The following HECTD4 variants were observed in gnomAD, a reference collection of about 807,000 sequenced individuals.
HECTD4 encodes the protein HECT domain E3 ubiquitin protein ligase 4.
A neutral mutation model predicts 471.5 loss-of-function variants in HECTD4; 114 were observed. That is an observed-to-expected ratio of 0.24 (90% CI 0.21 to 0.28). The LOEUF (loss-of-function observed/expected upper bound fraction) is 0.28, where lower values mean the gene tolerates loss of function less well. Ranked by LOEUF, HECTD4 falls within the 10% of genes least tolerant of loss-of-function variation. The pLI is 1.00. For synonymous variants in HECTD4, 2,012 were observed against 2,256.0 expected (o/e 0.89, Z 3.07); for missense variants, 3,866 against 5,651.5 (o/e 0.68, Z 10.13).
At chr12:112,227,374 C>T (rs1377450482) in intron 43 of HECTD4, among the ~76,000 whole-genome samples, 2 of 152,036 alleles carry the variant, frequency 1.3e-5, no homozygotes, top group Non-Finnish European at 2.9e-5. Flanking sequence ...GCAGGAGAAT[C>T]GCTTGAACTA....
At chr12:112,351,238 T>C (rs1182819748) in intron 1 of HECTD4, among the ~76,000 whole-genome samples, 1 of 152,176 alleles carries the variant, frequency 6.6e-6, no homozygotes, top group Non-Finnish European at 1.5e-5. Context: ...TGCTTCCAAA[T>C]AGAAGCTTAC....
intron 55 of HECTD4, among the ~76,000 whole-genome samples, chr12:112,196,348 C>T (rs565379932): frequency 3.3e-5 from 5 of 152,270 alleles, no homozygotes; most frequent in East Asian, 1.9e-4. Context: ...GAAACTACAT[C>T]GTAGGTGGTT....
At chr12:112,326,720 T>A (rs1215287967) in intron 1 of HECTD4, among the ~76,000 whole-genome samples, 4 of 152,150 alleles carry the variant, frequency 2.6e-5, no homozygotes, top group Admixed American at 6.6e-5. Context: ...ATAAGGACAT[T>A]AACTAGACTA....
At chr12:112,272,317 T>C (rs2034432034) in intron 11 of HECTD4, among the ~76,000 whole-genome samples, 1 of 152,246 alleles carries the variant, frequency 6.6e-6, no homozygotes, top group Non-Finnish European at 1.5e-5. Context: ...CCCAAAGTGC[T>C]GGGATTACAG....
chr12:112,252,683 C>T (rs1666769378), intron 22 of HECTD4, 155 bp from the exon 23 acceptor site: 2 of 866,624 alleles, frequency 2.3e-6, no homozygotes, highest in Non-Finnish European at 1.7e-6. Flanking sequence ...TATTCCCTCT[C>T]ATTTAGACAA....
At chr12:112,170,933 T>TA (rs2031191328) in intron 68 of HECTD4, 184 bp downstream of exon 68, 1 of 543,490 alleles carries the variant, frequency 1.8e-6, no homozygotes, top group African/African-American at 1.9e-5. Flanking sequence ...CTTTTATAAT[T>TA]AAAGTAACTT....
intron 35 of HECTD4, among the ~76,000 whole-genome samples, chr12:112,236,568 G>C (rs1012193295): frequency 6.6e-6 from 1 of 152,160 alleles, no homozygotes; most frequent in African/African-American, 2.4e-5. Context: ...TTCTTTTAAA[G>C]ACACAGCATG....
chr12:112,287,361 A>G (rs1456492312), intron 7 of HECTD4, among the ~76,000 whole-genome samples: 2 of 152,200 alleles, frequency 1.3e-5, no homozygotes, highest in East Asian at 3.9e-4. Context: ...CTCAATTAAT[A>G]CAGAATGAAG....
intron 68 of HECTD4, 149 bp downstream of exon 68, chr12:112,170,968 G>C: frequency 1.6e-6 from 1 of 608,184 alleles, no homozygotes. Context: ...TGTTGCTCCA[G>C]AGGAGCCCTG....
intron 45 of HECTD4, among the ~76,000 whole-genome samples, 189 bp from the exon 46 acceptor site, chr12:112,217,384 ACTC>A (rs750288900): frequency 6.6e-6 from 1 of 151,870 alleles, no homozygotes; most frequent in South Asian, 2.1e-4. Flanking sequence ...ACAGAGTCTC[ACTC>A]CTATCACCCA....
At position 112,373,269 on chromosome 12, in the gene HECTD4, G is replaced by A. The variant is rs935251384; in HGVS notation, c.177+8683C>T. Among the ~76,000 whole-genome samples, 16 of 152,152 alleles carry A rather than the reference G, an allele frequency of 1.1e-4. 1 individual carries two copies. Among genetic ancestry groups the A allele is most frequent in the Non-Finnish European group, 1.8e-4 (12 of 68,018 alleles). On this transcript the variant is annotated intron_variant, in intron 1 of 75. Transcript: ENST00000682272. The stretch of plus-strand genomic sequence containing the variant: ...ATAAAGATAATCCTTGGCCAGGCAC[G>A]GTGGCTGACGCCTGAAATTCCAACA...
intron 71 of HECTD4, 133 bp from the exon 72 acceptor site, chr12:112,167,671 C>G (rs2031027012): frequency 9.8e-7 from 1 of 1,022,328 alleles, no homozygotes; most frequent in East Asian, 2.6e-5. Flanking sequence ...CTTGCCCATC[C>G]AGTGAGGCAA....
chr12:112,237,172 G>C, intron 34 of HECTD4, 74 bp from the exon 35 acceptor site: 5 of 1,350,000 alleles, frequency 3.7e-6, no homozygotes, highest in East Asian at 2.5e-5. Flanking sequence ...AGGGGGCGGC[G>C]AGCCCTGTCC....
chr12:112,230,365 A>T (rs1408572361), intron 40 of HECTD4, among the ~76,000 whole-genome samples: 2 of 152,218 alleles, frequency 1.3e-5, no homozygotes, highest in African/African-American at 4.8e-5. Context: ...GAGTACACTT[A>T]AATCCAATAA....
chr12:112,282,771 GA>G (rs1434886543), intron 8 of HECTD4, among the ~76,000 whole-genome samples: 1 of 152,202 alleles, frequency 6.6e-6, no homozygotes, highest in African/African-American at 2.4e-5. Flanking sequence ...GCTTGGTCAA[GA>G]CTGTATTTAG....
At chr12:112,297,749 A>G (rs530561411) in intron 7 of HECTD4, among the ~76,000 whole-genome samples, 1 of 152,236 alleles carries the variant, frequency 6.6e-6, no homozygotes, top group South Asian at 2.1e-4. Flanking sequence ...CTGTGCACAT[A>G]CAAGCAAACA....
In HECTD4 at chr12:112,327,524, A is replaced by G. The variant is rs2035769400; in HGVS notation, c.178-7782T>C. On this transcript the variant is annotated intron_variant, in intron 1 of 75. Transcript: ENST00000682272. Reference sequence around the variant, plus strand: ...AACACACTTGTTCAATTTTGAAATTAGTGTTTGTGAAAATAGAAACATGGA... The same window carrying G: ...AACACACTTGTTCAATTTTGAAATTGGTGTTTGTGAAAATAGAAACATGGA... 2.6e-5 allele frequency among the ~76,000 whole-genome samples: 4 copies of G among 152,208 alleles called. No homozygotes were observed. The South Asian group carries it at 8.3e-4, about 31-fold the overall frequency.
At chr12:112,171,352 G>T in intron 67 of HECTD4, 89 bp from the exon 68 acceptor site, 1 of 1,525,760 alleles carries the variant, frequency 6.6e-7, no homozygotes, top group South Asian at 1.2e-5. Context: ...CTATCACTGC[G>T]AACAGGATTG....
At chr12:112,216,426 C>T in intron 47 of HECTD4, 55 bp from the exon 48 acceptor site, 1 of 1,220,900 alleles carries the variant, frequency 8.2e-7, no homozygotes, top group Non-Finnish European at 1.2e-6. Flanking sequence ...GCCTCACTGG[C>T]CAACACACAA....
Sources: allele counts gnomAD v4.1 joint callset (sites outside exome capture counted in the v4.1 genomes callset), GRCh38; gene constraint gnomAD v4.1.1; transcripts MANE v1.5; gene names NCBI Gene and HGNC (gene_info 2026-07-23, HGNC 2026-07-21).